The following FXN variants were observed in gnomAD, a reference collection of about 807,000 sequenced individuals.
FXN encodes the protein frataxin.
In FXN, 14 loss-of-function variants were observed where a neutral mutation model predicts 22.4. The ratio of observed to expected loss-of-function variants is 0.62; its 90% CI spans 0.41 to 0.98. FXN has a LOEUF of 0.98. Among genes scored for constraint, FXN ranks in the 50% least tolerant of loss-of-function variants. The probability of loss-of-function intolerance (pLI) is 0.00; values close to 1 mark genes in which losing one functional copy is unlikely to be tolerated. For synonymous variants in FXN, 120 were observed against 114.1 expected, an observed-to-expected ratio of 1.05 and a Z score of -0.33; for missense variants, 267 against 268.4, an observed-to-expected ratio of 0.99 and a Z score of 0.04.
At chr9:69,056,582 G>A (rs529819843) in intron 3 of FXN, among the ~76,000 whole-genome samples, 8 of 152,224 alleles carry the variant, frequency 5.3e-5, no homozygotes, top group Middle Eastern at 3.4e-3. Flanking sequence ...AGCCATGATC[G>A]CACCACTGTT....
Position 69,053,396 on chromosome 9 carries a change from G to A in FXN, c.384+136G>A, listed in dbSNP as rs899883913. ...GGTAGGATTAAAAGACTAGGGTTCC[G>A]GGAGGTGAAGGTTGCAGTGAGCCAA... is the stretch of plus-strand genomic sequence containing the variant. On this transcript the variant is annotated intron_variant, in intron 3 of 4. Transcript: ENST00000484259. 93 of 1,124,680 alleles carry A rather than the reference G, an allele frequency of 8.3e-5. 1 individual carries two copies. Among genetic ancestry groups the A allele is most frequent in the Non-Finnish European group, 1.1e-4 (85 of 761,516 alleles). 69.7% of individuals were successfully genotyped at this position (1,124,680 alleles called of 1,614,324 possible).
Sources: allele counts gnomAD v4.1 joint callset (sites outside exome capture counted in the v4.1 genomes callset), GRCh38; gene constraint gnomAD v4.1.1; transcripts MANE v1.5; gene names NCBI Gene and HGNC (gene_info 2026-07-23, HGNC 2026-07-21).